GIMAP5: variants seen among roughly 807,000 people sequenced by gnomAD.
GIMAP5 encodes the protein GTPase IMAP family member 5.
Under a neutral mutation model 9.9 loss-of-function variants are expected in GIMAP5, and 8 were observed. That is an observed-to-expected ratio of 0.81 (90% CI 0.47 to 1.45). The LOEUF is 1.45. Among genes scored for constraint, GIMAP5 ranks in the 40% most tolerant of loss-of-function variants. The pLI is 0.00. For missense variants in GIMAP5, 353 were observed against 367.4 expected, an observed-to-expected ratio of 0.96 and a Z score of 0.32; for synonymous variants, 174 against 151.4, an observed-to-expected ratio of 1.15 and a Z score of -1.09.
intron 2 of GIMAP5, 32 bp from the exon 3 acceptor site, chr7:150,742,151 C>G: frequency 6.3e-7 from 1 of 1,596,334 alleles, no homozygotes; most frequent in Non-Finnish European, 8.5e-7. Flanking sequence ...GAATCATTAA[C>G]TTAGTAAGAT....
rs201011395 is a variant in GIMAP5, at chr7:150,742,476, G to A, written c.337G>A (p.Val113Ile). The part of the protein sequence containing the change: ...CYLLSAPGPH[V>I]LLLVIQLGRF... The stretch of plus-strand genomic sequence containing the variant: ...CCTGCTCTCTGCCCCGGGGCCCCAC[G>A]TCCTGCTTCTGGTGATCCAGCTGGG... Residue 113 changes from valine (V) to isoleucine (I), a missense_variant, in exon 3 of 3, where the codon GTC becomes ATC. Val to Ile is a conservative substitution (Grantham distance 29). Transcript: ENST00000358647. 1.9e-4 allele frequency: 307 copies of A among 1,614,192 alleles called. No individual in the cohort carries two copies. The highest frequency in any genetic ancestry group is 8.2e-4 in the Middle Eastern group (5 of 6,062).
intron 1 of GIMAP5, chr7:150,738,797 G>A (rs778528831): frequency 2.6e-5 from 4 of 152,108 alleles, no homozygotes; most frequent in African/African-American, 4.8e-5. Flanking sequence ...TCAAGCCTAC[G>A]GTGTGTCCAC....
Sources: allele counts gnomAD v4.1 joint callset, GRCh38; gene constraint gnomAD v4.1.1; transcripts MANE v1.5; gene names NCBI Gene and HGNC (gene_info 2026-07-23, HGNC 2026-07-21).